CACNB4: variants seen among roughly 807,000 people sequenced by gnomAD.
The protein encoded by CACNB4 is voltage-dependent L-type calcium channel subunit beta-4.
In CACNB4, 32 loss-of-function variants were observed where a neutral mutation model predicts 71.2. The ratio of observed to expected loss-of-function variants is 0.45; its 90% CI spans 0.34 to 0.60. The LOEUF is 0.60. CACNB4 is among the 20% of genes least tolerant of loss of function. CACNB4 has a pLI of 0.01. For missense variants in CACNB4, 464 were observed against 647.9 expected (o/e 0.72, Z 3.08); for synonymous variants, 231 against 236.9 (o/e 0.97, Z 0.23).
At chr2:151,996,533 T>C (rs1317852711) in intron 2 of CACNB4, among the ~76,000 whole-genome samples, 2 of 151,912 alleles carry the variant, frequency 1.3e-5, no homozygotes, top group Non-Finnish European at 2.9e-5. Flanking sequence ...CTTAATGCTA[T>C]GTCAGCCCAC....
chr2:151,991,462 C>G (rs1681699354), intron 2 of CACNB4, among the ~76,000 whole-genome samples: 1 of 152,178 alleles, frequency 6.6e-6, no homozygotes, highest in Non-Finnish European at 1.5e-5. Context: ...AGCACTGAGC[C>G]AGATGACTTT....
At chr2:151,875,999 G>A (rs10930828) in intron 5 of CACNB4, among the ~76,000 whole-genome samples, 18,627 of 67,486 alleles carry the variant, frequency 0.28, 1,278 homozygotes, top group Middle Eastern at 0.38. Flanking sequence ...CCTCCCGGAC[G>A]GGGCGGCTGG....
chr2:151,869,987 C>A, intron 8 of CACNB4: 1 of 528,842 alleles, frequency 1.9e-6, no homozygotes, highest in Non-Finnish European at 3.3e-6. Flanking sequence ...TACTCTTTTC[C>A]TTGTCACATG....
intron 2 of CACNB4, among the ~76,000 whole-genome samples, chr2:151,962,306 TC>T (rs1391458592): frequency 6.6e-6 from 1 of 152,222 alleles, no homozygotes; most frequent in Admixed American, 6.5e-5. Context: ...TACAGCACTA[TC>T]CCTTGTGGTT....
intron 2 of CACNB4, chr2:151,962,956 T>G (rs1163472194): frequency 1.2e-4 from 19 of 152,146 alleles, no homozygotes; most frequent in Admixed American, 1.2e-3. Context: ...ACTCTTCAGG[T>G]TTATTCCAGT....
rs879114509 is a variant in CACNB4, at chr2:151,838,664, G to GT, written c.*454dup. 1,096 of 146,140 alleles carry GT rather than the reference G, an allele frequency of 7.5e-3. 8 individuals are homozygous for GT. Among genetic ancestry groups the GT allele is most frequent in the African/African-American group, 9.7e-3 (387 of 40,058 alleles). 9.1% of individuals were successfully genotyped at this position (146,140 alleles called of 1,614,324 possible). A position where few individuals can be genotyped will look rare whatever the true frequency, so the allele number is the denominator to read the frequency against. Reference sequence around the variant, plus strand: ...TATTGGTATTTCGATTTTCTTATTAGTTTTTTTTTTTTCCCCCCAGATTTT... The same window carrying GT: ...TATTGGTATTTCGATTTTCTTATTAGTTTTTTTTTTTTTCCCCCCAGATTTT... On this transcript the variant is annotated 3_prime_UTR_variant, in exon 14 of 14. Coordinates refer to ENST00000539935, the MANE Select transcript of CACNB4 (RefSeq NM_000726.5).
At chr2:152,063,725 A>C (rs1686141676) in intron 2 of CACNB4, among the ~76,000 whole-genome samples, 1 of 152,206 alleles carries the variant, frequency 6.6e-6, no homozygotes, top group African/African-American at 2.4e-5. Context: ...AGTGAAGCAC[A>C]CTGGCTGTGA....
intron 2 of CACNB4, among the ~76,000 whole-genome samples, chr2:151,885,883 A>T (rs766394797): frequency 7.2e-5 from 11 of 152,204 alleles, no homozygotes; most frequent in Non-Finnish European, 1.6e-4. Context: ...TTTAAAGCAG[A>T]GTTCTCTCAG....
chr2:151,943,122 T>G (rs2099864687), intron 2 of CACNB4, among the ~76,000 whole-genome samples: 2 of 152,176 alleles, frequency 1.3e-5, no homozygotes, highest in Non-Finnish European at 2.9e-5. Flanking sequence ...AAAAACTTGC[T>G]GGTTTGAGGC....
chr2:151,890,342 A>G, intron 2 of CACNB4, among the ~76,000 whole-genome samples: 1 of 152,226 alleles, frequency 6.6e-6, no homozygotes, highest in East Asian at 1.9e-4. Flanking sequence ...GCAAAGGAGC[A>G]TGTTCATAAA....
chr2:151,921,891 C>T (rs567081643), intron 2 of CACNB4, among the ~76,000 whole-genome samples: 15 of 152,292 alleles, frequency 9.8e-5, no homozygotes, highest in East Asian at 3.9e-4. Context: ...CTTCGCCTTC[C>T]GCCATGATTC....
chr2:151,886,241 A>G (rs1424670287), intron 2 of CACNB4, among the ~76,000 whole-genome samples: 1 of 152,230 alleles, frequency 6.6e-6, no homozygotes, highest in Non-Finnish European at 1.5e-5. Flanking sequence ...CAGGAACCCA[A>G]GTGAGACTGT....
In CACNB4 at chr2:151,891,490, T is replaced by C. The variant is rs941248126; in HGVS notation, c.148-8120A>G. Among the ~76,000 whole-genome samples the C allele has an allele frequency of 5.3e-5, 8 of 152,332 alleles. No individual in the cohort carries two copies. The South Asian group carries it at 8.3e-4, about 16-fold the overall frequency. ...AATCATGAAATTGCAAACATTGCAA[T>C]TGTAATTTCACGTGGTTCAACATAT... On this transcript the variant is annotated intron_variant, in intron 2 of 13. Transcript: ENST00000539935.
chr2:152,032,805 T>C (rs937977847), intron 2 of CACNB4, among the ~76,000 whole-genome samples: 8 of 151,870 alleles, frequency 5.3e-5, no homozygotes, highest in Non-Finnish European at 1.2e-4. Context: ...AACAAAAAAA[T>C]TAGCTGGGTA....
rs535637555 is a variant in CACNB4, at chr2:152,098,165, G to A, written c.147+165C>T. Among the ~76,000 whole-genome samples the A allele has an allele frequency of 6.6e-5, 10 of 152,366 alleles. No homozygotes were observed. Among genetic ancestry groups the A allele is most frequent in the Admixed American group, 2.6e-4 (4 of 15,314 alleles). On this transcript the variant is annotated intron_variant, in intron 2 of 13. Coordinates refer to ENST00000539935, the MANE Select transcript of CACNB4 (RefSeq NM_000726.5). This position sits in a 1 kb window ranked among gnomAD's most constrained non-coding sequence, Gnocchi z 5.3. ...GGGACGCGAAGACGTCAAGAGCCCA[G>A]GCTAGAGGGAGAGGGACTGAGCCCG...
At chr2:152,012,593 C>T (rs1683120700) in intron 2 of CACNB4, among the ~76,000 whole-genome samples, 1 of 127,340 alleles carries the variant, frequency 7.9e-6, no homozygotes, top group Non-Finnish European at 1.7e-5. Flanking sequence ...GACAGAGCGA[C>T]GCTCCATCTC....
intron 2 of CACNB4, among the ~76,000 whole-genome samples, chr2:151,897,638 G>A (rs1045148597): frequency 6.6e-6 from 1 of 152,296 alleles, no homozygotes; most frequent in Admixed American, 6.5e-5. Context: ...AAGGAGAGGA[G>A]GTGGTTACTC....
At chr2:151,876,000 G>A (rs2099846124) in intron 5 of CACNB4, among the ~76,000 whole-genome samples, 1 of 149,782 alleles carries the variant, frequency 6.7e-6, no homozygotes. Context: ...CTCCCGGACG[G>A]GGCGGCTGGC....
At chr2:151,979,008 G>A (rs972015651) in intron 2 of CACNB4, among the ~76,000 whole-genome samples, 1 of 152,010 alleles carries the variant, frequency 6.6e-6, no homozygotes, top group Admixed American at 6.6e-5. Context: ...CTGTACCTGG[G>A]TGTACCCAGC....
Sources: gnomAD v4.1 joint callset for allele counts (sites outside exome capture counted in the v4.1 genomes callset) on GRCh38, gnomAD v4.1.1 for gene constraint, Gnocchi (gnomAD v3.1) non-coding constraint, MANE v1.5 for transcripts, NCBI Gene and HGNC (gene_info 2026-07-23, HGNC 2026-07-21) for gene names.